REDIC1: variants seen among roughly 807,000 people sequenced by gnomAD.
REDIC1 encodes the protein regulator of DNA class I crossover intermediates 1, also known as HEI10 Interacting Protein 1.
At chr12:39,711,691 A>ATG in the REDIC1 span, among the ~76,000 whole-genome samples, 238 of 61,604 alleles carry the variant, frequency 3.9e-3, 12 homozygotes, top group East Asian at 0.078. Flanking sequence ...ATGCACATGT[A>ATG]TGTGTATGTG....
At chr12:39,855,963 A>C in the REDIC1 span, among the ~76,000 whole-genome samples, 1 of 152,234 alleles carries the variant, frequency 6.6e-6, no homozygotes, top group Non-Finnish European at 1.5e-5. Context: ...GACCTGTTTT[A>C]TGCCCAGAGA....
the REDIC1 span, among the ~76,000 whole-genome samples, chr12:39,702,185 A>G: frequency 1.8e-3 from 278 of 152,196 alleles, no homozygotes; most frequent in African/African-American, 5.9e-3. Context: ...AAATTGGTAG[A>G]CCTAGCAAGA....
the REDIC1 span, among the ~76,000 whole-genome samples, chr12:39,792,509 T>C: frequency 6.6e-6 from 1 of 152,160 alleles, no homozygotes; most frequent in Non-Finnish European, 1.5e-5. Flanking sequence ...CTGCAAGTCC[T>C]CAAAACATGT....
chr12:39,653,595 T>TTCTTCTTTTTCTTCC, the REDIC1 span, among the ~76,000 whole-genome samples: 33 of 146,280 alleles, frequency 2.3e-4, no homozygotes, highest in South Asian at 6.4e-4. Context: ...CTTCTTCCTC[T>TTCTTCTTTTTCTTCC]TCTTCTTCTT....
chr12:39,901,157 T>C, the REDIC1 span, among the ~76,000 whole-genome samples: 1 of 152,114 alleles, frequency 6.6e-6, no homozygotes, highest in Non-Finnish European at 1.5e-5. Flanking sequence ...TGAAACTGGA[T>C]CCCTTCCTTA....
At chr12:39,685,301 G>T in the REDIC1 span, among the ~76,000 whole-genome samples, 1 of 152,190 alleles carries the variant, frequency 6.6e-6, no homozygotes, top group African/African-American at 2.4e-5. Flanking sequence ...TGTACAGGAA[G>T]CATGATGCTG....
the REDIC1 span, among the ~76,000 whole-genome samples, chr12:39,797,872 A>T: frequency 6.6e-6 from 1 of 152,128 alleles, no homozygotes; most frequent in African/African-American, 2.4e-5. Flanking sequence ...AATACTTCTA[A>T]TGAGATCTTC....
chr12:39,764,060 C>T, the REDIC1 span, among the ~76,000 whole-genome samples: 3 of 152,106 alleles, frequency 2.0e-5, no homozygotes, highest in African/African-American at 4.8e-5. Context: ...TTGGACTGGA[C>T]GCTATGCCTG....
At chr12:39,873,378 AGT>A in the REDIC1 span, among the ~76,000 whole-genome samples, 1 of 152,238 alleles carries the variant, frequency 6.6e-6, no homozygotes, top group South Asian at 2.1e-4. Context: ...CCATTTGTGC[AGT>A]GTTTTATAGT....
the REDIC1 span, among the ~76,000 whole-genome samples, chr12:39,731,831 CT>C: frequency 4.2e-5 from 6 of 144,242 alleles, no homozygotes; most frequent in South Asian, 4.3e-4. Flanking sequence ...TGCTGCCTTT[CT>C]TTTTTTTTTT....
At chr12:39,726,807 A>C in the REDIC1 span, among the ~76,000 whole-genome samples, 1 of 152,108 alleles carries the variant, frequency 6.6e-6, no homozygotes, top group Non-Finnish European at 1.5e-5. Context: ...CTATTTCTCC[A>C]TATCCTCTCC....
the REDIC1 span, among the ~76,000 whole-genome samples, chr12:39,712,456 A>G: frequency 8.3e-4 from 8 of 9,690 alleles, no homozygotes; most frequent in Non-Finnish European, 6.7e-3. Context: ...ATACATACGT[A>G]TATATACGTA....
the REDIC1 span, among the ~76,000 whole-genome samples, chr12:39,630,996 T>C: frequency 2.6e-5 from 4 of 152,206 alleles, no homozygotes; most frequent in Admixed American, 6.5e-5. Context: ...TTAATAGTTC[T>C]GTTAAAATGA....
At chr12:39,859,316 GTT>G in the REDIC1 span, among the ~76,000 whole-genome samples, 13 of 94,324 alleles carry the variant, frequency 1.4e-4, no homozygotes, top group African/African-American at 5.5e-4. Flanking sequence ...AAAGCTGGCA[GTT>G]TTTTTTTTTT....
At chr12:39,862,654 T>G in the REDIC1 span, among the ~76,000 whole-genome samples, 1 of 152,222 alleles carries the variant, frequency 6.6e-6, no homozygotes, top group Non-Finnish European at 1.5e-5. Context: ...TAAGGTATTA[T>G]GTGATTCTTT....
At chr12:39,748,510 A>G in the REDIC1 span, among the ~76,000 whole-genome samples, 3 of 152,336 alleles carry the variant, frequency 2.0e-5, no homozygotes. Context: ...AGACAGATCA[A>G]TGAGACAGAA....
the REDIC1 span, among the ~76,000 whole-genome samples, chr12:39,734,951 G>T: frequency 6.6e-6 from 1 of 152,134 alleles, no homozygotes; most frequent in Admixed American, 6.5e-5. Flanking sequence ...ATAATGTTTA[G>T]TTTTATAATC....
chr12:39,888,745 A>C, the REDIC1 span, among the ~76,000 whole-genome samples: 1 of 152,212 alleles, frequency 6.6e-6, no homozygotes, highest in African/African-American at 2.4e-5. Flanking sequence ...CAATCTTTTG[A>C]ATATAGTGTT....
the REDIC1 span, among the ~76,000 whole-genome samples, chr12:39,728,311 C>A: frequency 6.6e-6 from 1 of 152,062 alleles, no homozygotes; most frequent in Admixed American, 6.5e-5. Context: ...TTTTGAGATT[C>A]ATTCCATCAA....
Sources: allele counts gnomAD v4.1 joint callset (sites outside exome capture counted in the v4.1 genomes callset), GRCh38; gene constraint gnomAD v4.1.1; transcripts MANE v1.5; gene names NCBI Gene and HGNC (gene_info 2026-07-23, HGNC 2026-07-21).